Variants in GPC6 observed in about 807,000 individuals in gnomAD.
GPC6 encodes glypican 6.
A neutral mutation model predicts 55.2 loss-of-function variants in GPC6; 14 were observed. The observed-to-expected ratio is 0.25, with a 90% CI of 0.17 to 0.40. The LOEUF (loss-of-function observed/expected upper bound fraction) is 0.40, where lower values mean the gene tolerates loss of function less well. GPC6 is among the 10% of genes least tolerant of loss of function. The pLI, the probability that GPC6 is intolerant of heterozygous loss-of-function variation, is 1.00. For missense variants in GPC6, 641 were observed against 708.5 expected, an observed-to-expected ratio of 0.90 and a Z score of 1.08; for synonymous variants, 278 against 259.6, an observed-to-expected ratio of 1.07 and a Z score of -0.68.
At chr13:93,726,207 G>C (rs1883634751) in intron 2 of GPC6, among the ~76,000 whole-genome samples, 1 of 151,048 alleles carries the variant, frequency 6.6e-6, no homozygotes, top group African/African-American at 2.4e-5. Context: ...TGGTGGCACT[G>C]TTTGAGCTCT....
chr13:93,805,350 C>G (rs1886511890), intron 2 of GPC6, among the ~76,000 whole-genome samples: 1 of 152,068 alleles, frequency 6.6e-6, no homozygotes, highest in Non-Finnish European at 1.5e-5. Flanking sequence ...TACCTGTCAC[C>G]CTCTATCACC....
chr13:93,797,303 G>A (rs1240881428), intron 2 of GPC6, among the ~76,000 whole-genome samples: 3 of 152,156 alleles, frequency 2.0e-5, no homozygotes. Flanking sequence ...TCTTATGAAT[G>A]ATAGGCTCCT....
At chr13:93,794,798 G>T (rs1488098773) in intron 2 of GPC6, among the ~76,000 whole-genome samples, 1 of 152,132 alleles carries the variant, frequency 6.6e-6, no homozygotes, top group African/African-American at 2.4e-5. Context: ...CACCAAATAT[G>T]GCTGTAGATT....
chr13:93,699,284 A>C (rs567424147), intron 2 of GPC6, among the ~76,000 whole-genome samples: 2 of 152,246 alleles, frequency 1.3e-5, no homozygotes, highest in South Asian at 4.1e-4. Flanking sequence ...AGGAAGCAAA[A>C]ATATACAAAG....
At chr13:94,198,650 T>C (rs980358641) in intron 4 of GPC6, among the ~76,000 whole-genome samples, 3 of 152,208 alleles carry the variant, frequency 2.0e-5, no homozygotes, top group Non-Finnish European at 4.4e-5. Context: ...TCCAGCCTTT[T>C]TCCATCTCTG....
At chr13:94,394,124 C>G (rs1165237014) in intron 7 of GPC6, among the ~76,000 whole-genome samples, 1 of 152,206 alleles carries the variant, frequency 6.6e-6, no homozygotes, top group Non-Finnish European at 1.5e-5. Flanking sequence ...GTCAAGGACA[C>G]TCACATTTAT....
intron 2 of GPC6, among the ~76,000 whole-genome samples, chr13:93,776,587 A>G (rs1026589861): frequency 6.6e-6 from 1 of 152,108 alleles, no homozygotes; most frequent in African/African-American, 2.4e-5. Flanking sequence ...TTTTCAAGGT[A>G]TGTTCAGAAA....
chr13:93,400,015 A>G (rs569759017), intron 1 of GPC6, among the ~76,000 whole-genome samples: 1 of 152,304 alleles, frequency 6.6e-6, no homozygotes, highest in Non-Finnish European at 1.5e-5. Context: ...AAATAATCGC[A>G]TAAAGCTACC....
chr13:94,327,993 A>AAAAT (rs1877213345), intron 6 of GPC6, among the ~76,000 whole-genome samples: 1 of 152,158 alleles, frequency 6.6e-6, no homozygotes, highest in African/African-American at 2.4e-5. Context: ...GTTGGGAGAA[A>AAAAT]AAATAGGAAA....
intron 1 of GPC6, among the ~76,000 whole-genome samples, chr13:93,506,119 G>A (rs2139377648): frequency 1.3e-5 from 2 of 152,178 alleles, no homozygotes; most frequent in South Asian, 4.1e-4. Context: ...TGTTTATTGG[G>A]TCTGGTTTGG....
Position 93,355,514 on chromosome 13 carries a change from C to T in GPC6, c.160+127898C>T, listed in dbSNP as rs1880814760. ...GGGAAAGTGAGCATTTAGATGTTTG[C>T]ATCAAATGAGCAGATGAACTCCCAT... On this transcript the variant is annotated intron_variant, in intron 1 of 8. Coordinates refer to ENST00000377047, the MANE Select transcript of GPC6 (RefSeq NM_005708.5). 2.0e-5 allele frequency among the ~76,000 whole-genome samples: 3 copies of T among 152,220 alleles called. No individual in the cohort carries two copies. The South Asian group carries it at 6.2e-4, about 32-fold the overall frequency.
intron 1 of GPC6, among the ~76,000 whole-genome samples, chr13:93,326,921 T>C (rs190222049): frequency 7.0e-4 from 107 of 152,334 alleles, no homozygotes; most frequent in African/African-American, 2.3e-3. Flanking sequence ...TATATATAAT[T>C]GCATGTCATA....
At chr13:93,596,614 TATA>T (rs1393375067) in intron 2 of GPC6, among the ~76,000 whole-genome samples, 4 of 114,234 alleles carry the variant, frequency 3.5e-5, no homozygotes, top group African/African-American at 1.6e-4. Flanking sequence ...TAAATAAATA[TATA>T]TATATATATA....
intron 3 of GPC6, among the ~76,000 whole-genome samples, chr13:93,832,637 T>G (rs1400744305): frequency 2.0e-5 from 3 of 152,128 alleles, no homozygotes; most frequent in African/African-American, 7.2e-5. Flanking sequence ...TGGCTATCCC[T>G]CCTGTTTTTC....
At chr13:94,121,787 A>G (rs1244368525) in intron 4 of GPC6, among the ~76,000 whole-genome samples, 3 of 152,078 alleles carry the variant, frequency 2.0e-5, no homozygotes, top group Non-Finnish European at 2.9e-5. Context: ...AGAGCTGTAC[A>G]TTGCACCTCT....
At chr13:94,162,964 C>T (rs1327441574) in intron 4 of GPC6, among the ~76,000 whole-genome samples, 1 of 152,086 alleles carries the variant, frequency 6.6e-6, no homozygotes, top group Non-Finnish European at 1.5e-5. Context: ...GCCTCTTTCA[C>T]CTTTGGTTGT....
chr13:93,539,694 CTT>C (rs11455046), intron 1 of GPC6, among the ~76,000 whole-genome samples: 6 of 144,878 alleles, frequency 4.1e-5, no homozygotes, highest in African/African-American at 1.0e-4. Context: ...GTGCTTGGTA[CTT>C]TTTTTTTTTT....
intron 1 of GPC6, among the ~76,000 whole-genome samples, chr13:93,274,663 A>C (rs1315245471): frequency 6.6e-6 from 1 of 152,180 alleles, no homozygotes; most frequent in Non-Finnish European, 1.5e-5. Context: ...CCTTCAGATA[A>C]TTCAAGTTAT....
intron 3 of GPC6, among the ~76,000 whole-genome samples, chr13:93,930,517 C>T (rs1034169159): frequency 1.3e-5 from 2 of 151,992 alleles, no homozygotes; most frequent in Non-Finnish European, 2.9e-5. Flanking sequence ...GTGATCCACC[C>T]ACCACGGCCT....
Sources: gnomAD v4.1 joint callset for allele counts (sites outside exome capture counted in the v4.1 genomes callset) on GRCh38, gnomAD v4.1.1 for gene constraint, MANE v1.5 for transcripts, NCBI Gene and HGNC (gene_info 2026-07-23, HGNC 2026-07-21) for gene names.